VOPP1: variants seen among roughly 807,000 people sequenced by gnomAD.
The protein encoded by VOPP1 is WW domain binding protein VOPP1.
VOPP1 carries 8 observed loss-of-function variants against 23.5 expected under a neutral mutation model. That is an observed-to-expected ratio of 0.34 (90% CI 0.20 to 0.61). The LOEUF (loss-of-function observed/expected upper bound fraction) is 0.61. Among genes scored for constraint, VOPP1 ranks in the 20% least tolerant of loss-of-function variants. VOPP1 has a pLI of 0.78. For synonymous variants in VOPP1, 83 were observed against 97.3 expected (o/e 0.85, Z 0.86); for missense variants, 174 against 238.1 (o/e 0.73, Z 1.77).
intron 1 of VOPP1, among the ~76,000 whole-genome samples, chr7:55,570,318 C>T (rs1434009326): frequency 6.6e-6 from 1 of 152,198 alleles, no homozygotes; most frequent in Non-Finnish European, 1.5e-5. Flanking sequence ...TTAGGATAAT[C>T]ATCATGTCAA....
intron 4 of VOPP1, among the ~76,000 whole-genome samples, chr7:55,458,296 T>A (rs559576508): frequency 6.6e-6 from 1 of 152,232 alleles, no homozygotes; most frequent in East Asian, 1.9e-4. Context: ...TCTGTTTATA[T>A]CAATACTATG....
At chr7:55,549,716 T>C (rs145754869) in intron 1 of VOPP1, among the ~76,000 whole-genome samples, 45 of 152,268 alleles carry the variant, frequency 3.0e-4, no homozygotes, top group African/African-American at 9.6e-4. Context: ...TCTAAGCTCA[T>C]CTACATCCTT....
chr7:55,544,325 T>C (rs1562616866), intron 1 of VOPP1, among the ~76,000 whole-genome samples: 1 of 152,218 alleles, frequency 6.6e-6, no homozygotes, highest in Non-Finnish European at 1.5e-5. Context: ...TATGATGAAA[T>C]TGGAACAAAA....
intron 4 of VOPP1, among the ~76,000 whole-genome samples, chr7:55,437,826 T>C (rs547027610): frequency 1.3e-5 from 2 of 152,282 alleles, no homozygotes; most frequent in African/African-American, 4.8e-5. Flanking sequence ...CTATTGAATG[T>C]TTCATTTCGT....
At chr7:55,460,856 G>A (rs1254678213) in intron 4 of VOPP1, among the ~76,000 whole-genome samples, 1 of 152,124 alleles carries the variant, frequency 6.6e-6, no homozygotes, top group Non-Finnish European at 1.5e-5. Flanking sequence ...TTCACTTTCA[G>A]TCTGTATGTG....
At chr7:55,461,376 A>C (rs1791496755) in intron 4 of VOPP1, among the ~76,000 whole-genome samples, 3 of 151,964 alleles carry the variant, frequency 2.0e-5, no homozygotes, top group Admixed American at 2.0e-4. Context: ...TTCACCAATA[A>C]CCTACAGAAA....
At position 55,565,027 on chromosome 7, in the gene VOPP1, T is replaced by G. The variant is rs373350279; in HGVS notation, c.54+7244A>C. 2.6e-4 allele frequency among the ~76,000 whole-genome samples: 39 copies of G among 152,370 alleles called. No homozygotes were observed. In the East Asian group the frequency reaches 6.2e-3, roughly 24 times the overall value. On this transcript the variant is annotated intron_variant, in intron 1 of 4. Coordinates refer to ENST00000285279, the MANE Select transcript of VOPP1 (RefSeq NM_030796.5). ...CGGATAATATCTCTTTGTTCTGGTC[T>G]GAGGACATTGTTCTCTTGTTGACAG...
chr7:55,498,338 C>G lies in VOPP1; in HGVS notation c.114-648G>C, dbSNP rs539167013. Among the ~76,000 whole-genome samples the G allele has an allele frequency of 1.2e-3, 177 of 152,348 alleles. 1 individual carries two copies. Among genetic ancestry groups the G allele is most frequent in the Non-Finnish European group, 1.7e-3 (115 of 68,020 alleles). ...TCACTGCTCACGCTGCCTCCCTCCCCTCATCCCCCAACGTGTCTGAGGTTT... is the reference window on the plus strand; with the variant it reads ...TCACTGCTCACGCTGCCTCCCTCCCGTCATCCCCCAACGTGTCTGAGGTTT... On this transcript the variant is annotated intron_variant, in intron 2 of 4. Transcript: ENST00000285279.
At chr7:55,561,005 C>CT (rs747231215) in intron 1 of VOPP1, among the ~76,000 whole-genome samples, 4 of 152,150 alleles carry the variant, frequency 2.6e-5, no homozygotes, top group African/African-American at 4.8e-5. Context: ...TTCCATGCTG[C>CT]TTAGGGGGCC....
chr7:55,530,422 G>T, intron 1 of VOPP1, among the ~76,000 whole-genome samples: 1 of 152,128 alleles, frequency 6.6e-6, no homozygotes, highest in Non-Finnish European at 1.5e-5. Flanking sequence ...GATCCACTAG[G>T]TGCTTTTCAT....
intron 1 of VOPP1, among the ~76,000 whole-genome samples, chr7:55,534,146 T>TTA (rs1796647907): frequency 6.6e-6 from 1 of 150,796 alleles, no homozygotes; most frequent in South Asian, 2.1e-4. Flanking sequence ...TTTTTTTTTT[T>TTA]ACGAGATGGA....
intron 1 of VOPP1, among the ~76,000 whole-genome samples, chr7:55,523,925 G>A (rs1185310363): frequency 6.6e-6 from 1 of 152,190 alleles, no homozygotes; most frequent in Non-Finnish European, 1.5e-5. Context: ...TGTTTTTTCA[G>A]ATAATAAAGT....
At chr7:55,550,592 T>C (rs1160942579) in intron 1 of VOPP1, among the ~76,000 whole-genome samples, 1 of 152,174 alleles carries the variant, frequency 6.6e-6, no homozygotes, top group Admixed American at 6.5e-5. Context: ...CATTTCAGCA[T>C]TCTTACAATA....
chr7:55,507,716 G>C, intron 2 of VOPP1, among the ~76,000 whole-genome samples: 1 of 152,320 alleles, frequency 6.6e-6, no homozygotes, highest in African/African-American at 2.4e-5. Context: ...TAATCCACAT[G>C]ATGTCAGAAT....
intron 4 of VOPP1, among the ~76,000 whole-genome samples, chr7:55,473,369 T>A (rs766165238): frequency 2.5e-4 from 38 of 152,202 alleles, no homozygotes; most frequent in Non-Finnish European, 5.0e-4. Context: ...CACCCAGGCT[T>A]CGCGACTCAG....
chr7:55,538,574 A>G, intron 1 of VOPP1: 4 of 1,524,302 alleles, frequency 2.6e-6, no homozygotes, highest in Non-Finnish European at 2.6e-6. Flanking sequence ...ACTGCTTTAC[A>G]TGGTTTAATA....
At chr7:55,443,993 G>A (rs1360121008) in intron 4 of VOPP1, among the ~76,000 whole-genome samples, 1 of 152,166 alleles carries the variant, frequency 6.6e-6, no homozygotes, top group Non-Finnish European at 1.5e-5. Context: ...AATATTTATA[G>A]ATGAAATGTT....
At position 55,492,308 on chromosome 7, in the gene VOPP1, G is replaced by T; in HGVS notation, c.302C>A (p.Thr101Asn). 6.2e-7 allele frequency: 1 copy of T among 1,611,522 alleles called. No homozygotes were observed. The highest frequency in any genetic ancestry group is 8.5e-7 in the Non-Finnish European group (1 of 1,178,924). ...IEEPAFNVSY[T>N]RQPPNPGPGA... ...TGGGCCGGGATTTGGGGGCTGCCTGGTGTAGGACACATTGAAGGCTGGCTC... is the reference window on the plus strand; with the variant it reads ...TGGGCCGGGATTTGGGGGCTGCCTGTTGTAGGACACATTGAAGGCTGGCTC... Residue 101 changes from threonine (T) to asparagine (N), a missense_variant, in exon 4 of 5, where the codon ACC (threonine) becomes AAC (asparagine). Physicochemically the swap from Thr to Asn is moderately conservative, Grantham distance 65. Coordinates refer to ENST00000285279, the MANE Select transcript of VOPP1 (RefSeq NM_030796.5).
chr7:55,484,485 C>A (rs1413996337), intron 4 of VOPP1, among the ~76,000 whole-genome samples: 1 of 152,134 alleles, frequency 6.6e-6, no homozygotes, highest in African/African-American at 2.4e-5. Context: ...CTGCTGAGGA[C>A]AGCACCATGT....
Sources: allele counts gnomAD v4.1 joint callset (sites outside exome capture counted in the v4.1 genomes callset), GRCh38; gene constraint gnomAD v4.1.1; transcripts MANE v1.5; gene names NCBI Gene and HGNC (gene_info 2026-07-23, HGNC 2026-07-21).